Variants in DDX60L observed in about 807,000 individuals in gnomAD.
DDX60L encodes DExD/H-box 60 like.
DDX60L carries 191 observed loss-of-function variants against 211.6 expected under a neutral mutation model. That is an observed-to-expected ratio of 0.90 (90% confidence interval 0.80 to 1.02). The LOEUF is 1.02. DDX60L is among the 50% of genes least tolerant of loss of function. DDX60L has a pLI of 0.00. For synonymous variants in DDX60L, 706 were observed against 694.1 expected (o/e 1.02, Z -0.27); for missense variants, 2,007 against 1,984.1 (o/e 1.01, Z -0.22).
At chr4:168,415,926 C>A in intron 20 of DDX60L, 127 bp from the exon 21 acceptor site, 2 of 819,942 alleles carry the variant, frequency 2.4e-6, no homozygotes, top group Non-Finnish European at 3.5e-6. Context: ...ATTTAAACCA[C>A]CTGAGTTGAC....
chr4:168,466,324 C>T lies in DDX60L; in HGVS notation c.265-4284G>A, dbSNP rs186266533. 2.1e-3 allele frequency among the ~76,000 whole-genome samples: 322 copies of T among 151,918 alleles called. 2 individuals carry two copies. Among genetic ancestry groups the T allele is most frequent in the African/African-American group, 7.3e-3 (304 of 41,426 alleles). On this transcript the variant is annotated intron_variant, in intron 4 of 37. Coordinates refer to ENST00000682922, the MANE Select transcript of DDX60L (RefSeq NM_001012967.3). ...CTAGATTAATCAAGAAGAGGGAAGA[C>T]ACAACTTAGCAATATAAAGGATAAA...
chr4:168,359,445 T>TA (rs1738728947), intron 37 of DDX60L, among the ~76,000 whole-genome samples: 1 of 152,210 alleles, frequency 6.6e-6, no homozygotes, highest in Admixed American at 6.5e-5. Context: ...CAATTTGTCA[T>TA]AATATCTCTT....
Position 168,419,282 on chromosome 4 carries a change from A to G in DDX60L, c.2610+20T>C. On this transcript the variant is annotated intron_variant, in intron 19 of 37. Transcript: ENST00000682922. Reference sequence around the variant, plus strand: ...GTATGCAGACTAGAACATCAACCAGAGAACTAACACCAAACCTACCTCATC... The same window carrying G: ...GTATGCAGACTAGAACATCAACCAGGGAACTAACACCAAACCTACCTCATC... 6.5e-7 allele frequency: 1 copy of G among 1,547,806 alleles called. No individual in the cohort carries two copies. Among genetic ancestry groups the G allele is most frequent in the South Asian group, 1.2e-5 (1 of 84,762 alleles).
chr4:168,410,965 G>C (rs919925392), intron 22 of DDX60L, among the ~76,000 whole-genome samples: 2 of 152,136 alleles, frequency 1.3e-5, no homozygotes, highest in African/African-American at 4.8e-5. Context: ...ATAAAGAAAA[G>C]GAATAAACTA....
At position 168,391,624 on chromosome 4, in the gene DDX60L, T is replaced by A; in HGVS notation, c.3831A>T (p.Thr1277=). 3 of 1,582,380 alleles carry A rather than the reference T, an allele frequency of 1.9e-6. No homozygotes were observed. Residue 1277 remains threonine, a synonymous_variant, in exon 29 of 38, where the codon ACA becomes ACT. Transcript: ENST00000682922. ...ATGGCATGTGGATCCCTAAGGCAAG[T>A]GTTTCAGTAGCTGTCACTACCTAGG... ...GLIRVVTATE[T]LALGIHMPCK... is the part of the protein sequence containing the mutation.
intron 5 of DDX60L, 127 bp downstream of exon 5, chr4:168,461,572 A>C (rs1757322133): frequency 3.1e-6 from 2 of 647,004 alleles, no homozygotes; most frequent in Non-Finnish European, 5.2e-6. Context: ...ACCATTATTA[A>C]ATGTATTACC....
chr4:168,455,667 T>C (rs1242076024), intron 7 of DDX60L, among the ~76,000 whole-genome samples: 2 of 152,162 alleles, frequency 1.3e-5, no homozygotes, highest in Non-Finnish European at 1.5e-5. Context: ...ACACAGCGTA[T>C]AGTGGGGCCC....
At position 168,433,060 on chromosome 4, in the gene DDX60L, T is replaced by C; in HGVS notation, c.1350A>G (p.Val450=). The stretch of plus-strand genomic sequence containing the variant: ...TCATATCTCCAACAAACTCATCAAT[T>C]ACAGCAGATGTCATTGGAATAAAGC... The part of the protein sequence containing the change: ...SVGFIPMTSA[V]IDEFVGDMMK... The change falls in exon 11 of 38, where the codon GTA becomes GTG. Residue 450 remains valine, a synonymous_variant. Transcript: ENST00000682922. 1.9e-6 allele frequency: 3 copies of C among 1,610,204 alleles called. No individual in the cohort carries two copies. Among genetic ancestry groups the C allele is most frequent in the Non-Finnish European group, 2.5e-6 (3 of 1,177,912 alleles).
chr4:168,389,353 C>T (rs750003286), intron 29 of DDX60L, among the ~76,000 whole-genome samples: 15 of 152,036 alleles, frequency 9.9e-5, no homozygotes, highest in Non-Finnish European at 1.6e-4. Flanking sequence ...GGCATGTTAG[C>T]AGAAAATCCA....
intron 13 of DDX60L, among the ~76,000 whole-genome samples, chr4:168,429,182 T>C (rs1438901845): frequency 6.6e-6 from 1 of 152,114 alleles, no homozygotes; most frequent in East Asian, 1.9e-4. Context: ...TCTTGCTCTA[T>C]CACCAAGGCT....
intron 24 of DDX60L, among the ~76,000 whole-genome samples, chr4:168,404,499 A>C (rs1365411734): frequency 2.6e-5 from 4 of 152,100 alleles, no homozygotes; most frequent in Non-Finnish European, 5.9e-5. Context: ...TGGAAAAGAA[A>C]TTTAATTTCT....
chr4:168,442,370 C>T (rs1754011040), intron 9 of DDX60L, among the ~76,000 whole-genome samples: 1 of 152,132 alleles, frequency 6.6e-6, no homozygotes, highest in African/African-American at 2.4e-5. Context: ...CGGAGTCTCG[C>T]TGATTGCTAG....
intron 14 of DDX60L, among the ~76,000 whole-genome samples, chr4:168,425,334 G>A (rs950023815): frequency 9.2e-5 from 14 of 152,216 alleles, no homozygotes; most frequent in African/African-American, 2.7e-4. Context: ...TTGCTGGGAA[G>A]TAGAATAGAG....
intron 35 of DDX60L, 141 bp downstream of exon 35, chr4:168,373,525 C>T (rs771889089): frequency 3.6e-5 from 30 of 843,532 alleles, no homozygotes; most frequent in Non-Finnish European, 5.2e-5. Flanking sequence ...GCCTCCAGGG[C>T]TTCATTCTCT....
chr4:168,421,928 C>G lies in DDX60L; in HGVS notation c.2245-19G>C, dbSNP rs374671297. ...GTTCCTGCTGCAGGGTACAAAGCAC[C>G]ATTTGTGTCAAGAAAGTGAACAGCA... On this transcript the variant is annotated intron_variant, in intron 16 of 37. Transcript: ENST00000682922. 1.9e-6 allele frequency: 3 copies of G among 1,613,708 alleles called. No individual in the cohort carries two copies. In the South Asian group the frequency reaches 3.3e-5, roughly 18 times the overall value.
At chr4:168,453,068 G>C in intron 8 of DDX60L, 56 bp downstream of exon 8, 1 of 1,490,362 alleles carries the variant, frequency 6.7e-7, no homozygotes. Flanking sequence ...AGTTTTAAAG[G>C]TGATCATGGT....
intron 8 of DDX60L, among the ~76,000 whole-genome samples, chr4:168,449,986 T>C (rs1755579922): frequency 6.6e-6 from 1 of 152,104 alleles, no homozygotes; most frequent in African/African-American, 2.4e-5. Context: ...AGGAACTTTG[T>C]TTACAGTTTA....
intron 23 of DDX60L, 55 bp from the exon 24 acceptor site, chr4:168,406,133 A>C (rs1747713293): frequency 6.5e-7 from 1 of 1,531,758 alleles, no homozygotes; most frequent in East Asian, 2.4e-5. Context: ...TATAGTAAGA[A>C]AAATACAATG....
intron 22 of DDX60L, 147 bp downstream of exon 22, chr4:168,415,261 A>T (rs1187670428): frequency 1.3e-5 from 6 of 454,696 alleles, no homozygotes; most frequent in African/African-American, 2.0e-5. Flanking sequence ...TATTAAATTT[A>T]AAAAATCAAT....
Sources: allele counts gnomAD v4.1 joint callset (sites outside exome capture counted in the v4.1 genomes callset), GRCh38; gene constraint gnomAD v4.1.1; transcripts MANE v1.5; gene names NCBI Gene and HGNC (gene_info 2026-07-23, HGNC 2026-07-21).